Variants in FN1 observed in about 807,000 individuals in gnomAD.
FN1 encodes the protein fibronectin.
A neutral mutation model predicts 297.3 loss-of-function variants in FN1; 106 were observed. The observed-to-expected ratio is 0.36, with a 90% confidence interval of 0.30 to 0.42. FN1 has a LOEUF of 0.42. FN1 is among the 10% of genes least tolerant of loss of function. The probability of loss-of-function intolerance (pLI) is 1.00; values close to 1 mark genes in which losing one functional copy is unlikely to be tolerated. For missense variants in FN1, 2,690 were observed against 3,124.9 expected (o/e 0.86, Z 3.32); for synonymous variants, 1,149 against 1,152.6 (o/e 1.00, Z 0.06).
At chr2:215,408,711 G>T (rs972099294) in intron 15 of FN1, among the ~76,000 whole-genome samples, 1 of 151,980 alleles carries the variant, frequency 6.6e-6, no homozygotes, top group Non-Finnish European at 1.5e-5. Context: ...GGGATTACAG[G>T]TGCACACCAC....
At chr2:215,412,543 C>A (rs1256742316) in intron 13 of FN1, among the ~76,000 whole-genome samples, 1 of 152,100 alleles carries the variant, frequency 6.6e-6, no homozygotes. Flanking sequence ...CTCAAGCGAT[C>A]CTTCCGCCTC....
At chr2:215,424,009 G>T (rs770992927) in intron 8 of FN1, 137 bp downstream of exon 8, 16 of 860,398 alleles carry the variant, frequency 1.9e-5, no homozygotes, top group Non-Finnish European at 2.7e-5. Flanking sequence ...TGAGCGCTGC[G>T]ATCTCTTGAG....
chr2:215,409,678 C>A lies in FN1; in HGVS notation c.2184G>T (p.Val728=). The stretch of plus-strand genomic sequence containing the variant: ...CAAAGCTACTGGCTGTGATTTCGGT[C>A]ACAGATTCAGAAGTGGCCACAAGAG... ...FSPLVATSES[V]TEITASSFVV... is the part of the protein sequence containing the mutation. The change falls in exon 15 of 46, where the codon GTG becomes GTT. Residue 728 remains valine, a synonymous_variant. Coordinates refer to ENST00000354785, the MANE Select transcript of FN1 (RefSeq NM_212482.4). 2 of 1,614,098 alleles carry A rather than the reference C, an allele frequency of 1.2e-6. No individual in the cohort carries two copies. Among genetic ancestry groups the A allele is most frequent in the Non-Finnish European group, 1.7e-6 (2 of 1,180,004 alleles).
chr2:215,385,146 C>T (rs1386717937), intron 28 of FN1, among the ~76,000 whole-genome samples, 170 bp from the exon 29 acceptor site: 4 of 149,502 alleles, frequency 2.7e-5, no homozygotes, highest in Non-Finnish European at 5.9e-5. Flanking sequence ...TAAGGGGTTA[C>T]AGAGCCCATT....
At chr2:215,421,514 G>A (rs1212903830) in intron 10 of FN1, among the ~76,000 whole-genome samples, 4 of 152,078 alleles carry the variant, frequency 2.6e-5, no homozygotes, top group African/African-American at 7.2e-5. Context: ...CAATATCTAC[G>A]CACTAGCCAC....
intron 5 of FN1, among the ~76,000 whole-genome samples, chr2:215,429,372 A>G (rs2066056138): frequency 6.6e-6 from 1 of 152,224 alleles, no homozygotes; most frequent in Admixed American, 6.5e-5. Flanking sequence ...TCTGGTAAAT[A>G]GATTATTTAA....
intron 40 of FN1, 39 bp downstream of exon 40, chr2:215,371,870 T>G: frequency 6.4e-7 from 1 of 1,554,776 alleles, no homozygotes; most frequent in South Asian, 1.1e-5. Context: ...TATTCCTTTC[T>G]GTGCTGCCCC....
At position 215,434,801 on chromosome 2, in the gene FN1, G is replaced by A; in HGVS notation, c.172C>T (p.His58Tyr). 2 of 1,613,486 alleles carry A rather than the reference G, an allele frequency of 1.2e-6. No individual in the cohort carries two copies. The highest frequency in any genetic ancestry group is 1.7e-6 in the Non-Finnish European group (2 of 1,179,734). Residue 58 changes from histidine (H) to tyrosine (Y), a missense_variant, in exon 2 of 46, where the codon CAC becomes TAC. Physicochemically the swap from His to Tyr is moderately conservative, Grantham distance 83 (BLOSUM62 2). Around this residue, in one of 3 missense-constraint regions of FN1, gnomAD observed 876 missense variants for 1,058.1 expected, o/e 0.83. Transcript: ENST00000354785. ...SKPGCYDNGK[H>Y]YQINQQWERT... The stretch of plus-strand genomic sequence containing the variant: ...TCCCACTGTTGATTTATCTGATAGT[G>A]TTTTCCATTGTCATAACAACCGGCT...
At chr2:215,401,226 G>T (rs915310940) in intron 20 of FN1, among the ~76,000 whole-genome samples, 2 of 51,962 alleles carry the variant, frequency 3.8e-5, no homozygotes, top group Non-Finnish European at 8.2e-5. Context: ...AAGAAAGAAA[G>T]AAAGAAAGAA....
intron 25 of FN1, chr2:215,392,121 C>G (rs1312125380): frequency 2.9e-6 from 1 of 340,082 alleles, no homozygotes; most frequent in African/African-American, 2.1e-5. Context: ...TATTTTATCC[C>G]AGGCCGAAGA....
intron 12 of FN1, 71 bp from the exon 13 acceptor site, chr2:215,415,029 A>T: frequency 8.4e-7 from 1 of 1,189,922 alleles, no homozygotes; most frequent in South Asian, 1.2e-5. Context: ...GTGTACATGG[A>T]CAGTCATCAT....
chr2:215,413,003 G>T (rs1191349065), intron 13 of FN1, among the ~76,000 whole-genome samples: 1 of 151,934 alleles, frequency 6.6e-6, no homozygotes, highest in Non-Finnish European at 1.5e-5. Flanking sequence ...CATGACTGCT[G>T]GGTGGATCAA....
At position 215,423,467 on chromosome 2, in the gene FN1, A is replaced by G; in HGVS notation, c.1276T>C (p.Tyr426His). ...CAATCAGTGTAATTGTGGTTGTTGTATAGGAAGGGGAAGTGGCACAAGGCA... is the reference window on the plus strand; with the variant it reads ...CAATCAGTGTAATTGTGGTTGTTGTGTAGGAAGGGGAAGTGGCACAAGGCA... ...NGALCHFPFL[Y>H]NNHNYTDCTS... is the part of the protein sequence containing the mutation. Residue 426 changes from tyrosine (Y) to histidine (H), a missense_variant, in exon 9 of 46, where the codon TAC becomes CAC. Tyr to His is a moderately conservative substitution (Grantham distance 83). Transcript: ENST00000354785. 6.2e-7 allele frequency: 1 copy of G among 1,614,210 alleles called. No individual in the cohort carries two copies. The highest frequency in any genetic ancestry group is 8.5e-7 in the Non-Finnish European group (1 of 1,180,026).
At chr2:215,407,364 A>G in intron 17 of FN1, 43 bp from the exon 18 acceptor site, 1 of 1,506,338 alleles carries the variant, frequency 6.6e-7, no homozygotes, top group African/African-American at 1.4e-5. Flanking sequence ...GTTTTCTTTG[A>G]GACAGAGGCT....
chr2:215,388,716 T>A (rs758373540), intron 26 of FN1, among the ~76,000 whole-genome samples: 5 of 152,226 alleles, frequency 3.3e-5, no homozygotes, highest in Non-Finnish European at 7.3e-5. Flanking sequence ...TTAAAAGCAA[T>A]TTCTTGTCAT....
At position 215,376,575 on chromosome 2, in the gene FN1, A is replaced by C. The variant is rs1281779326; in HGVS notation, c.5810T>G (p.Val1937Gly). The change falls in exon 36 of 46, where the codon GTT (valine) becomes GGT (glycine). Residue 1937 changes from valine (V) to glycine (G), a missense_variant. By Grantham distance (109) the Val-to-Gly change is moderately radical. Coordinates refer to ENST00000354785, the MANE Select transcript of FN1 (RefSeq NM_212482.4). ...CTGGCCATTGGCTGGAACGGCATCAACTTGGAAGCCAGTGATCGTCTCAGT... is the reference window on the plus strand; with the variant it reads ...CTGGCCATTGGCTGGAACGGCATCACCTTGGAAGCCAGTGATCGTCTCAGT... ...TKTETITGFQ[V>G]DAVPANGQTP... The C allele has an allele frequency of 1.9e-6, 3 of 1,613,978 alleles. No homozygotes were observed. The highest frequency in any genetic ancestry group is 2.2e-5 in the South Asian group (2 of 91,068).
rs1469890873 is a variant in FN1 at position 215,397,723 on chromosome 2, A to C, written c.3474T>G (p.Asp1158Glu). The change falls in exon 22 of 46, where the codon GAT becomes GAG. Residue 1158 changes from aspartate to glutamate, a missense_variant. Coordinates refer to ENST00000354785, the MANE Select transcript of FN1 (RefSeq NM_212482.4). ...EYVYTIQVLRDGQERDAPIVN... is the reference protein window; with the variant it reads ...EYVYTIQVLREGQERDAPIVN... The stretch of plus-strand genomic sequence containing the variant: ...CAATTGGCGCATCTCTTTCCTGTCC[A>C]TCTCTCAGGACTTGGATGGTGTAGA... 2 of 1,614,062 alleles carry C rather than the reference A, an allele frequency of 1.2e-6. No homozygotes were observed. The highest frequency in any genetic ancestry group is 1.7e-6 in the Non-Finnish European group (2 of 1,179,946).
Position 215,406,235 on chromosome 2 carries a change from T to C in FN1, c.2986+3A>G. On this transcript the variant is annotated splice_donor_region_variant and intron_variant, in intron 19 of 45. Transcript: ENST00000354785. The stretch of plus-strand genomic sequence containing the variant: ...GGGGAGATAGAGATAGGAGAAGACA[T>C]ACTGGTTGTCTGTTGAGCAGTCAGA... 1.3e-5 allele frequency: 21 copies of C among 1,613,948 alleles called. No individual in the cohort carries two copies. The highest frequency in any genetic ancestry group is 1.8e-5 in the Non-Finnish European group (21 of 1,179,860).
At chr2:215,394,396 G>A in intron 24 of FN1, 132 bp downstream of exon 24, 1 of 837,988 alleles carries the variant, frequency 1.2e-6, no homozygotes, top group East Asian at 2.5e-5. Flanking sequence ...CTTGGTTTTG[G>A]AAAGTGCAGC....
Sources: gnomAD v4.1 joint callset for allele counts (sites outside exome capture counted in the v4.1 genomes callset) on GRCh38, gnomAD v4.1.1 for gene constraint, gnomAD v4.1.1 regional missense constraint, MANE v1.5 for transcripts, NCBI Gene and HGNC (gene_info 2026-07-23, HGNC 2026-07-21) for gene names.